ATG4B: variants seen among roughly 807,000 people sequenced by gnomAD.
ATG4B encodes cysteine protease ATG4B.
A neutral mutation model predicts 56.6 loss-of-function variants in ATG4B; 29 were observed. That is an observed-to-expected ratio of 0.51 (90% confidence interval 0.38 to 0.70). The LOEUF (loss-of-function observed/expected upper bound fraction) is 0.70. Ranked by LOEUF, ATG4B falls within the 30% of genes least tolerant of loss-of-function variation. The pLI is 0.00. For synonymous variants in ATG4B, 224 were observed against 206.1 expected, an observed-to-expected ratio of 1.09 and a Z score of -0.74; for missense variants, 461 against 515.5, an observed-to-expected ratio of 0.89 and a Z score of 1.02.
Position 241,656,940 on chromosome 2 carries a change from C to T in ATG4B, c.458+1597C>T, listed in dbSNP as rs565505524. 1.4e-3 allele frequency among the ~76,000 whole-genome samples: 208 copies of T among 152,280 alleles called. 1 individual carries two copies. Among genetic ancestry groups the T allele is most frequent in the Non-Finnish European group, 2.4e-3 (161 of 68,018 alleles). ...CCTCCCGAAGTGCTGGGATTACAGG[C>T]GTGAGCCACCGTGCCTGGCCAGGAC... On this transcript the variant is annotated intron_variant, in intron 6 of 12. Transcript: ENST00000404914.
At chr2:241,641,877 C>T (rs1211139429) in intron 1 of ATG4B, among the ~76,000 whole-genome samples, 1 of 152,152 alleles carries the variant, frequency 6.6e-6, no homozygotes, top group Non-Finnish European at 1.5e-5. Context: ...TGTTCTCCAC[C>T]AGTCCCTAGC....
Position 241,668,539 on chromosome 2 carries a change from G to T in ATG4B, c.812-1G>T. 2 of 1,608,190 alleles carry T rather than the reference G, an allele frequency of 1.2e-6. No homozygotes were observed. Among genetic ancestry groups the T allele is most frequent in the Non-Finnish European group, 1.7e-6 (2 of 1,179,122 alleles). Reference sequence around the variant, plus strand: ...CCTGCCCACCTGCCTCATCCTCCCAGGTGAGGAGCTCATCTACCTGGACCC... The same window carrying T: ...CCTGCCCACCTGCCTCATCCTCCCATGTGAGGAGCTCATCTACCTGGACCC... On this transcript the variant is annotated splice_acceptor_variant, in intron 9 of 12. Coordinates refer to ENST00000404914, the MANE Select transcript of ATG4B (RefSeq NM_013325.5). LOFTEE classifies it high-confidence loss of function. The surrounding 1 kb of genome is among the most constrained non-coding windows in gnomAD (Gnocchi z 4.2).
intron 1 of ATG4B, among the ~76,000 whole-genome samples, chr2:241,649,668 CCTT>C (rs2068169914): frequency 6.6e-6 from 1 of 152,312 alleles, no homozygotes; most frequent in Admixed American, 6.5e-5. Context: ...CTGGCTGGCG[CCTT>C]CTTTTCAGGA....
chr2:241,669,383 G>A (rs2068885555), intron 10 of ATG4B, among the ~76,000 whole-genome samples: 1 of 152,236 alleles, frequency 6.6e-6, no homozygotes, highest in African/African-American at 2.4e-5. Context: ...GCAGATCTGG[G>A]CCTGAAATGG....
chr2:241,647,876 G>T (rs968691683), intron 1 of ATG4B, among the ~76,000 whole-genome samples: 1 of 152,062 alleles, frequency 6.6e-6, no homozygotes, highest in Non-Finnish European at 1.5e-5. Flanking sequence ...CACTTTGGGA[G>T]GCCGAGGTGG....
intron 1 of ATG4B, among the ~76,000 whole-genome samples, chr2:241,650,807 C>A (rs1409275705): frequency 6.6e-6 from 1 of 151,940 alleles, no homozygotes; most frequent in African/African-American, 2.4e-5. Context: ...GAGCAGCTGC[C>A]CAGCAGGGCC....
chr2:241,656,182 C>T (rs376410744), intron 6 of ATG4B, among the ~76,000 whole-genome samples: 123 of 152,284 alleles, frequency 8.1e-4, no homozygotes, highest in African/African-American at 2.8e-3. Context: ...CTGAAATGGC[C>T]CTGTCTCCCC....
At chr2:241,639,303 G>A (rs1270956042) in intron 1 of ATG4B, among the ~76,000 whole-genome samples, 1 of 152,232 alleles carries the variant, frequency 6.6e-6, no homozygotes, top group Non-Finnish European at 1.5e-5. Context: ...CGCCCAAGCA[G>A]GGGTGCTTAC....
chr2:241,650,691 CCT>C (rs1021837063), intron 1 of ATG4B, among the ~76,000 whole-genome samples: 3 of 152,056 alleles, frequency 2.0e-5, no homozygotes, highest in African/African-American at 7.2e-5. Context: ...CCTAACTTGG[CCT>C]CTCACCCTCG....
In ATG4B at chr2:241,663,073, T is replaced by TA. The variant is rs533686255; in HGVS notation, c.539-3563dup. ...CAACATCGTAAAACCCCATGTCTACTAAAAAAAAAGTTAGCTGGGCATGGT... is the reference window on the plus strand; with the variant it reads ...CAACATCGTAAAACCCCATGTCTACTAAAAAAAAAAGTTAGCTGGGCATGGT... On this transcript the variant is annotated intron_variant, in intron 7 of 12. Coordinates refer to ENST00000404914, the MANE Select transcript of ATG4B (RefSeq NM_013325.5). 8.9e-4 allele frequency among the ~76,000 whole-genome samples: 135 copies of TA among 150,880 alleles called. 3 individuals carry two copies. The South Asian group carries it at 0.021, about 24-fold the overall frequency.
chr2:241,651,600 G>C lies in ATG4B; in HGVS notation c.184+265G>C, dbSNP rs1341641692. On this transcript the variant is annotated intron_variant, in intron 3 of 12. Transcript: ENST00000404914. This position sits in a 1 kb window ranked among gnomAD's most constrained non-coding sequence, Gnocchi z 4.1. ...ATCAGTATCATGAGTTATGACCAAC[G>C]TTGTTTTAAATGTAGGACAGAATGT... 1.3e-5 allele frequency among the ~76,000 whole-genome samples: 2 copies of C among 152,210 alleles called. No individual in the cohort carries two copies. Among genetic ancestry groups the C allele is most frequent in the East Asian group, 3.9e-4 (2 of 5,192 alleles).
chr2:241,667,105 G>A (rs1293009418), intron 8 of ATG4B, among the ~76,000 whole-genome samples: 8 of 152,142 alleles, frequency 5.3e-5, no homozygotes, highest in African/African-American at 1.9e-4. Flanking sequence ...TTGGAACCAG[G>A]TGCCACTCCT....
chr2:241,638,831 A>T (rs2067778804), intron 1 of ATG4B, among the ~76,000 whole-genome samples: 1 of 152,174 alleles, frequency 6.6e-6, no homozygotes, highest in Non-Finnish European at 1.5e-5. Context: ...TTTTAGAATA[A>T]CCGTCATTCA....
Position 241,673,362 on chromosome 2 carries a change from G to C in ATG4B, c.*1098G>C, listed in dbSNP as rs373066585. On this transcript the variant is annotated 3_prime_UTR_variant, in exon 13 of 13. Transcript: ENST00000404914. ...CCCGCTGCTCTGCTGCCTGTCCTGGGAAAGTATCTTTGCCCCACTAGGAAA... is the reference window on the plus strand; with the variant it reads ...CCCGCTGCTCTGCTGCCTGTCCTGGCAAAGTATCTTTGCCCCACTAGGAAA... 336 of 360,328 alleles carry C rather than the reference G, an allele frequency of 9.3e-4. 1 individual carries two copies. Among genetic ancestry groups the C allele is most frequent in the African/African-American group, 6.5e-3 (305 of 46,982 alleles). 22.3% of individuals were successfully genotyped at this position (360,328 alleles called of 1,614,324 possible).
In ATG4B at chr2:241,668,606, T is replaced by G; in HGVS notation, c.878T>G (p.Phe293Cys). 1 of 1,599,908 alleles carries G rather than the reference T, an allele frequency of 6.3e-7. No homozygotes were observed. Among genetic ancestry groups the G allele is most frequent in the Admixed American group, 1.7e-5 (1 of 58,534 alleles). Residue 293 changes from phenylalanine to cysteine, a missense_variant, in exon 10 of 13, where the codon TTC becomes TGC. Transcript: ENST00000404914. The surrounding 1 kb of genome is among the most constrained non-coding windows in gnomAD (Gnocchi z 4.2). ...GCCGTGGAGCCCACTGATGGCTGCTTCATCCCGGACGAGAGCTTCCACTGC... is the reference window on the plus strand; with the variant it reads ...GCCGTGGAGCCCACTGATGGCTGCTGCATCCCGGACGAGAGCTTCCACTGC... ...QPAVEPTDGCFIPDESFHCQH... is the reference protein window; with the variant it reads ...QPAVEPTDGCCIPDESFHCQH...
At chr2:241,654,221 G>A (rs1182288463) in intron 4 of ATG4B, among the ~76,000 whole-genome samples, 1 of 151,926 alleles carries the variant, frequency 6.6e-6, no homozygotes, top group Non-Finnish European at 1.5e-5. Flanking sequence ...AGGAGATCAA[G>A]ACCATCCTGG....
chr2:241,656,383 C>A (rs1226149585), intron 6 of ATG4B, among the ~76,000 whole-genome samples: 2 of 152,052 alleles, frequency 1.3e-5, no homozygotes, highest in African/African-American at 4.8e-5. Context: ...TGGCGTGGCA[C>A]CTGCTCAGTC....
intron 1 of ATG4B, among the ~76,000 whole-genome samples, chr2:241,641,010 GCATCTCTTTTGAGAATGTA>G (rs2067869920): frequency 6.6e-6 from 1 of 152,190 alleles, no homozygotes; most frequent in South Asian, 2.1e-4. Flanking sequence ...GCTTGCTCTG[GCATCTCTTTTGAGAATGTA>G]CTGCAGAGGG....
At chr2:241,671,844 C>A in intron 12 of ATG4B, 1 of 1,281,270 alleles carries the variant, frequency 7.8e-7, no homozygotes. Context: ...GCCGTGAGCG[C>A]GTCCTCCTCA....
Sources: gnomAD v4.1 joint callset for allele counts (sites outside exome capture counted in the v4.1 genomes callset) on GRCh38, gnomAD v4.1.1 for gene constraint, Gnocchi (gnomAD v3.1) non-coding constraint, MANE v1.5 for transcripts, NCBI Gene and HGNC (gene_info 2026-07-23, HGNC 2026-07-21) for gene names.